Variants in SCAF4 observed in about 807,000 individuals in gnomAD.
SCAF4 encodes the protein SR-related CTD associated factor 4, also known as SR-related and CTD-associated factor 4.
A neutral mutation model predicts 129.8 loss-of-function variants in SCAF4; 25 were observed. That is an observed-to-expected ratio of 0.19 (90% CI 0.14 to 0.27). SCAF4 has a LOEUF of 0.27. Ranked by LOEUF, SCAF4 falls within the 10% of genes least tolerant of loss-of-function variation. The pLI is 1.00. For missense variants in SCAF4, 1,246 were observed against 1,457.1 expected, an observed-to-expected ratio of 0.86 and a Z score of 2.36; for synonymous variants, 551 against 497.7, an observed-to-expected ratio of 1.11 and a Z score of -1.43.
intron 1 of SCAF4, among the ~76,000 whole-genome samples, chr21:31,731,051 C>G (rs2051340186): frequency 6.6e-6 from 1 of 152,218 alleles, no homozygotes; most frequent in Non-Finnish European, 1.5e-5. Context: ...TAAATTATAA[C>G]GAGCCACCCC....
intron 19 of SCAF4, among the ~76,000 whole-genome samples, chr21:31,679,297 T>G (rs1377043938): frequency 6.6e-6 from 1 of 152,188 alleles, no homozygotes; most frequent in African/African-American, 2.4e-5. Context: ...ACCACTCATC[T>G]CTTTCATCAA....
intron 1 of SCAF4, among the ~76,000 whole-genome samples, chr21:31,711,678 A>C (rs1161013479): frequency 6.6e-6 from 1 of 152,208 alleles, no homozygotes; most frequent in Non-Finnish European, 1.5e-5. Context: ...ATATTAGCCC[A>C]GAAGAATAGT....
intron 1 of SCAF4, among the ~76,000 whole-genome samples, chr21:31,708,813 G>C (rs954436156): frequency 1.2e-4 from 18 of 152,274 alleles, no homozygotes; most frequent in South Asian, 4.1e-4. Flanking sequence ...TTAAGACACT[G>C]CTATATTTTG....
Position 31,671,310 on chromosome 21 carries a change from C to T in SCAF4, c.*89G>A. The T allele has an allele frequency of 1.4e-6, 2 of 1,459,268 alleles. No individual in the cohort carries two copies. The highest frequency in any genetic ancestry group is 1.8e-6 in the Non-Finnish European group (2 of 1,087,320). The allele number at this position is 1,459,268 out of a possible 1,614,324, so 90.4% of individuals were successfully genotyped here. A position where few individuals can be genotyped will look rare whatever the true frequency, so the allele number is the denominator to read the frequency against. ...CACCAGCTGGCGCGGGGCTGCAGTA[C>T]AGCGGGAGCGGATATAATACAGCAT... On this transcript the variant is annotated 3_prime_UTR_variant, in exon 20 of 20. Transcript: ENST00000286835.
intron 19 of SCAF4, among the ~76,000 whole-genome samples, chr21:31,680,595 A>G (rs1359297325): frequency 6.6e-6 from 1 of 152,224 alleles, no homozygotes; most frequent in African/African-American, 2.4e-5. Context: ...TAATGTAACC[A>G]AACATCAAAA....
At chr21:31,683,871 C>T (rs1247583055) in intron 19 of SCAF4, 1 of 152,694 alleles carries the variant, frequency 6.5e-6, no homozygotes, top group East Asian at 1.9e-4. Flanking sequence ...TCCTGTATCA[C>T]TTGTGATAAA....
intron 19 of SCAF4, among the ~76,000 whole-genome samples, chr21:31,678,475 T>C (rs1459466443): frequency 1.3e-5 from 2 of 151,420 alleles, no homozygotes; most frequent in Admixed American, 6.6e-5. Context: ...TTTCCACTCT[T>C]ACCAACTTCT....
At chr21:31,704,394 G>A (rs963487233) in intron 3 of SCAF4, among the ~76,000 whole-genome samples, 3 of 152,030 alleles carry the variant, frequency 2.0e-5, no homozygotes, top group African/African-American at 7.2e-5. Context: ...ACTGACAACA[G>A]CAGAGAAAAG....
intron 4 of SCAF4, 96 bp from the exon 5 acceptor site, chr21:31,702,475 A>T: frequency 1.9e-6 from 2 of 1,063,314 alleles, no homozygotes; most frequent in Admixed American, 5.3e-5. Flanking sequence ...CCCTAGGCTA[A>T]TATTTCCATA....
chr21:31,701,443 G>A (rs1308500797), intron 6 of SCAF4, among the ~76,000 whole-genome samples: 1 of 152,128 alleles, frequency 6.6e-6, no homozygotes, highest in Non-Finnish European at 1.5e-5. Flanking sequence ...AACAAAGTAA[G>A]CATAAGTTTT....
At chr21:31,713,252 C>A (rs750490021) in intron 1 of SCAF4, among the ~76,000 whole-genome samples, 1 of 152,176 alleles carries the variant, frequency 6.6e-6, no homozygotes, top group Non-Finnish European at 1.5e-5. Context: ...TGATTTTCCA[C>A]AATAATTTGT....
At chr21:31,717,906 C>CATAT (rs1555854133) in intron 1 of SCAF4, among the ~76,000 whole-genome samples, 23 of 44,130 alleles carry the variant, frequency 5.2e-4, no homozygotes, top group African/African-American at 1.5e-3. Context: ...CACATATATA[C>CATAT]ACACACACAC....
At chr21:31,685,782 T>C (rs2050107578) in intron 16 of SCAF4, 49 bp from the exon 17 acceptor site, 3 of 1,502,480 alleles carry the variant, frequency 2.0e-6, no homozygotes, top group African/African-American at 1.4e-5. Flanking sequence ...CACCCTCCCA[T>C]CCACACAGTA....
rs779473159 is a variant in SCAF4 at position 31,672,170 on chromosome 21, C to T, written c.2673G>A (p.Pro891=). ...GCATCGCAAAGCCCCCTGGTCCTGG[C>T]GGTGGGCCTCTGTGCATCATGTGCG... is the stretch of plus-strand genomic sequence containing the variant. ...MPPHMMHRGP[P]PGPGGFAMPP... is the part of the protein sequence containing the mutation. Residue 891 remains proline, a synonymous_variant, in exon 20 of 20, where the codon CCG becomes CCA. Transcript: ENST00000286835. 8 of 1,603,318 alleles carry T rather than the reference C, an allele frequency of 5.0e-6. No homozygotes were observed. The highest frequency in any genetic ancestry group is 1.3e-5 in the African/African-American group (1 of 74,558).
chr21:31,696,399 T>G (rs1169395986), intron 8 of SCAF4, among the ~76,000 whole-genome samples, 170 bp downstream of exon 8: 1 of 152,196 alleles, frequency 6.6e-6, no homozygotes, highest in Non-Finnish European at 1.5e-5. Context: ...AAGCCATTTT[T>G]TGGTTTTAAA....
rs2050344525 is a variant in SCAF4 at position 31,694,800 on chromosome 21, A to G, written c.1236+13T>C. On this transcript the variant is annotated intron_variant, in intron 10 of 19. Transcript: ENST00000286835. ...ACAAAAAAAGATAAAACTATCTGAG[A>G]ATAAAGTTTTACCTGCTGATGCGGC... 2.5e-6 allele frequency: 4 copies of G among 1,612,748 alleles called. No individual in the cohort carries two copies. Among genetic ancestry groups the G allele is most frequent in the Non-Finnish European group, 3.4e-6 (4 of 1,178,734 alleles).
At chr21:31,729,738 C>G (rs1017065977) in intron 1 of SCAF4, among the ~76,000 whole-genome samples, 1 of 152,150 alleles carries the variant, frequency 6.6e-6, no homozygotes, top group Non-Finnish European at 1.5e-5. Context: ...AGGAATAGAA[C>G]TGAAATGAAC....
intron 19 of SCAF4, among the ~76,000 whole-genome samples, chr21:31,683,218 A>C (rs2050036249): frequency 6.6e-6 from 1 of 152,196 alleles, no homozygotes; most frequent in Non-Finnish European, 1.5e-5. Flanking sequence ...TCATGGGTCC[A>C]TCTAGTGGGA....
In SCAF4 at chr21:31,685,625, G is replaced by C; in HGVS notation, c.2152C>G (p.Pro718Ala). 6.2e-7 allele frequency: 1 copy of C among 1,614,162 alleles called. No homozygotes were observed. Among genetic ancestry groups the C allele is most frequent in the Non-Finnish European group, 8.5e-7 (1 of 1,180,030 alleles). The change falls in exon 17 of 20, where the codon CCC (proline) becomes GCC (alanine). Residue 718 changes from proline (P) to alanine (A), a missense_variant. By Grantham distance (27) the Pro-to-Ala change is conservative. Transcript: ENST00000286835. ...PPGFGPGVPP[P>A]PPPPPFLRPG... ...CGCAAAAATGGTGGAGGAGGAGGGG[G>C]AGGAGGAACACCAGGACCAAAGCCT...
Sources: allele counts gnomAD v4.1 joint callset (sites outside exome capture counted in the v4.1 genomes callset), GRCh38; gene constraint gnomAD v4.1.1; transcripts MANE v1.5; gene names NCBI Gene and HGNC (gene_info 2026-07-23, HGNC 2026-07-21).